Variants in EPB41L4A observed in about 807,000 individuals in gnomAD.
EPB41L4A encodes the protein erythrocyte membrane protein band 4.1 like 4A, also known as band 4.1-like protein 4A.
Under a neutral mutation model 108.6 loss-of-function variants are expected in EPB41L4A, and 100 were observed. That is an observed-to-expected ratio of 0.92 (90% CI 0.78 to 1.09). The LOEUF (loss-of-function observed/expected upper bound fraction) is 1.09, where lower values mean the gene tolerates loss of function less well. EPB41L4A is among the 50% of genes least tolerant of loss of function. The probability of loss-of-function intolerance (pLI) is 0.00; values close to 1 mark genes in which losing one functional copy is unlikely to be tolerated. For missense variants in EPB41L4A, 1,030 were observed against 842.7 expected (o/e 1.22, Z -2.75); for synonymous variants, 319 against 289.0 (o/e 1.10, Z -1.05).
intron 9 of EPB41L4A, among the ~76,000 whole-genome samples, chr5:112,258,956 C>A (rs1186897417): frequency 6.6e-6 from 1 of 152,188 alleles, no homozygotes; most frequent in East Asian, 1.9e-4. Flanking sequence ...AAGCAAATTG[C>A]ACTAACAACA....
intron 1 of EPB41L4A, among the ~76,000 whole-genome samples, chr5:112,358,025 A>G (rs1407647472): frequency 1.3e-5 from 2 of 152,146 alleles, no homozygotes; most frequent in Non-Finnish European, 2.9e-5. Context: ...AGTGGAGGCT[A>G]CATACGGACT....
chr5:112,343,104 A>C (rs1278923802), intron 1 of EPB41L4A, among the ~76,000 whole-genome samples: 2 of 152,206 alleles, frequency 1.3e-5, no homozygotes, highest in African/African-American at 4.8e-5. Context: ...GGCTTTACAG[A>C]GAGGTATACA....
At chr5:112,151,327 A>G (rs1450685796) in intron 12 of EPB41L4A, among the ~76,000 whole-genome samples, 1 of 151,228 alleles carries the variant, frequency 6.6e-6, no homozygotes, top group African/African-American at 2.4e-5. Flanking sequence ...GGTAGCTAGC[A>G]TCAGACATTT....
intron 1 of EPB41L4A, among the ~76,000 whole-genome samples, chr5:112,338,225 C>G (rs1228015016): frequency 1.3e-5 from 2 of 152,176 alleles, no homozygotes; most frequent in Non-Finnish European, 1.5e-5. Context: ...CCCTGAGTAT[C>G]CCATCTCATC....
intron 4 of EPB41L4A, among the ~76,000 whole-genome samples, chr5:112,270,459 CATG>C (rs1381121773): frequency 3.3e-5 from 5 of 150,336 alleles, no homozygotes; most frequent in Admixed American, 6.6e-5. Flanking sequence ...TAAATCATAA[CATG>C]ATATTAAATA....
intron 2 of EPB41L4A, among the ~76,000 whole-genome samples, chr5:112,295,651 G>A (rs1753942097): frequency 6.6e-6 from 1 of 152,136 alleles, no homozygotes. Context: ...TAACAAAGTT[G>A]TCTTTAATAA....
At chr5:112,155,247 T>A (rs2112817201) in intron 12 of EPB41L4A, among the ~76,000 whole-genome samples, 1 of 152,274 alleles carries the variant, frequency 6.6e-6, no homozygotes, top group South Asian at 2.1e-4. Flanking sequence ...AGTTACCTCT[T>A]GTATTTAGGA....
chr5:112,263,779 A>G (rs1349990193), intron 6 of EPB41L4A: 1 of 151,864 alleles, frequency 6.6e-6, no homozygotes, highest in East Asian at 1.9e-4. Flanking sequence ...CTTTAGGCAA[A>G]CATTTTTTTG....
At chr5:112,197,600 C>T (rs758450538) in intron 15 of EPB41L4A, among the ~76,000 whole-genome samples, 12 of 152,162 alleles carry the variant, frequency 7.9e-5, no homozygotes, top group Non-Finnish European at 1.2e-4. Context: ...GGTTCTTTTG[C>T]TTATCACTAA....
chr5:112,249,997 A>G (rs115122014), intron 9 of EPB41L4A, among the ~76,000 whole-genome samples: 1,910 of 147,818 alleles, frequency 0.013, 43 homozygotes, highest in African/African-American at 0.043. Context: ...ATACATAAAC[A>G]ACCCTCTACA....
At chr5:112,244,404 G>A (rs895708912) in intron 9 of EPB41L4A, among the ~76,000 whole-genome samples, 1 of 152,138 alleles carries the variant, frequency 6.6e-6, no homozygotes, top group Non-Finnish European at 1.5e-5. Context: ...TCATTGTCAC[G>A]CATTGAGAAA....
rs77270889 is a variant in EPB41L4A at position 112,307,596 on chromosome 5, T to C, written c.100-106A>G. 1,488 of 682,254 alleles carry C rather than the reference T, an allele frequency of 2.2e-3. 15 individuals carry two copies. The African/African-American group carries it at 0.024, about 11-fold the overall frequency. 42.3% of individuals were successfully genotyped at this position (682,254 alleles called of 1,614,324 possible). On this transcript the variant is annotated intron_variant, in intron 1 of 22. Transcript: ENST00000261486. Reference sequence around the variant, plus strand: ...TTAGTTTCACTCACAATAGCAGCAATTGTATCAGACCATGGTTCTTCTCTG... The same window carrying C: ...TTAGTTTCACTCACAATAGCAGCAACTGTATCAGACCATGGTTCTTCTCTG...
Position 112,169,034 on chromosome 5 carries a change from T to A in EPB41L4A, c.1811A>T (p.Gln604Leu). The change falls in exon 21 of 23, where the codon CAG becomes CTG. Residue 604 changes from glutamine to leucine, a missense_variant. Transcript: ENST00000261486. ...PRSYRQYRRS[Q>L]CSDGERSVLS... ...AACTGATCGCTCCCCATCTGAACAC[T>A]GGGACCTGCGATACTGGCGGTAACT... 6.2e-7 allele frequency: 1 copy of A among 1,614,124 alleles called. No homozygotes were observed. The highest frequency in any genetic ancestry group is 1.1e-5 in the South Asian group (1 of 91,080).
At chr5:112,309,392 T>C (rs747104775) in intron 1 of EPB41L4A, among the ~76,000 whole-genome samples, 5 of 152,206 alleles carry the variant, frequency 3.3e-5, no homozygotes, top group Admixed American at 6.5e-5. Context: ...AGCTACCCAA[T>C]TGAATAAACA....
intron 9 of EPB41L4A, among the ~76,000 whole-genome samples, chr5:112,250,340 T>C (rs1750571358): frequency 2.0e-5 from 3 of 152,192 alleles, no homozygotes; most frequent in African/African-American, 7.2e-5. Context: ...GTTGAGCTTA[T>C]TCTTATTATT....
chr5:112,402,279 C>A (rs573994400), intron 1 of EPB41L4A, among the ~76,000 whole-genome samples: 7 of 152,268 alleles, frequency 4.6e-5, no homozygotes, highest in Non-Finnish European at 8.8e-5. Context: ...TTGTAAGTTT[C>A]CTGAGGCCCC....
chr5:112,339,337 T>C (rs763955779), intron 1 of EPB41L4A, among the ~76,000 whole-genome samples: 29 of 151,998 alleles, frequency 1.9e-4, no homozygotes, highest in Middle Eastern at 6.8e-3. Flanking sequence ...GCTCCATTAT[T>C]ATAGGACTGA....
intron 2 of EPB41L4A, among the ~76,000 whole-genome samples, chr5:112,286,697 C>A (rs1753306076): frequency 6.6e-6 from 1 of 152,136 alleles, no homozygotes. Context: ...GAACATGGTT[C>A]CAGCAACCTT....
intron 1 of EPB41L4A, among the ~76,000 whole-genome samples, chr5:112,401,094 T>G (rs547381676): frequency 5.3e-5 from 8 of 152,196 alleles, no homozygotes; most frequent in Non-Finnish European, 1.2e-4. Flanking sequence ...GCATCCACAT[T>G]GTTGAAAATA....
Sources: allele counts gnomAD v4.1 joint callset (sites outside exome capture counted in the v4.1 genomes callset), GRCh38; gene constraint gnomAD v4.1.1; transcripts MANE v1.5; gene names NCBI Gene and HGNC (gene_info 2026-07-23, HGNC 2026-07-21).